Variants in SCUBE2 observed in about 807,000 individuals in gnomAD.
SCUBE2 encodes the protein signal peptide, CUB domain and EGF like domain containing 2, also known as signal peptide, CUB and EGF-like domain-containing protein 2.
In SCUBE2, 114 loss-of-function variants were observed where a neutral mutation model predicts 125.9. The observed-to-expected ratio is 0.91, with a 90% CI of 0.78 to 1.06. The LOEUF (loss-of-function observed/expected upper bound fraction) is 1.06, where lower values mean the gene tolerates loss of function less well. Among genes scored for constraint, SCUBE2 ranks in the 50% least tolerant of loss-of-function variants. SCUBE2 has a pLI of 0.00. For synonymous variants in SCUBE2, 459 were observed against 492.9 expected (o/e 0.93, Z 0.91); for missense variants, 1,255 against 1,301.8 (o/e 0.96, Z 0.55).
chr11:9,074,951 C>T (rs887423431), intron 3 of SCUBE2, among the ~76,000 whole-genome samples: 1 of 152,160 alleles, frequency 6.6e-6, no homozygotes, highest in Non-Finnish European at 1.5e-5. Context: ...TGTGGCGGCT[C>T]AAGCCTGTAA....
intron 21 of SCUBE2, among the ~76,000 whole-genome samples, chr11:9,024,850 C>T (rs1855589348): frequency 6.6e-6 from 1 of 152,178 alleles, no homozygotes; most frequent in Non-Finnish European, 1.5e-5. Flanking sequence ...TCACATAGGG[C>T]TTTGGGCTGT....
chr11:9,083,345 A>G (rs1321858976), intron 2 of SCUBE2, among the ~76,000 whole-genome samples: 3 of 152,204 alleles, frequency 2.0e-5, no homozygotes, highest in Admixed American at 6.5e-5. Context: ...CTTTAAGGCT[A>G]AAAACAAAAT....
At chr11:9,048,814 A>G (rs187056347) in intron 14 of SCUBE2, among the ~76,000 whole-genome samples, 54 of 152,270 alleles carry the variant, frequency 3.5e-4, no homozygotes, top group African/African-American at 1.3e-3. Flanking sequence ...CATCCACTCC[A>G]TGAATTTGTC....
chr11:9,069,131 C>A (rs1223174763), intron 5 of SCUBE2, among the ~76,000 whole-genome samples: 3 of 152,214 alleles, frequency 2.0e-5, no homozygotes, highest in Non-Finnish European at 2.9e-5. Context: ...CATTCACACT[C>A]CTTACTCCTG....
intron 2 of SCUBE2, among the ~76,000 whole-genome samples, chr11:9,084,662 G>A (rs185301949): frequency 4.6e-5 from 7 of 152,046 alleles, no homozygotes; most frequent in Admixed American, 4.6e-4. Flanking sequence ...CACTGAAAAG[G>A]ATACAACAGC....
At chr11:9,078,212 C>A (rs1453020348) in intron 3 of SCUBE2, among the ~76,000 whole-genome samples, 1 of 152,228 alleles carries the variant, frequency 6.6e-6, no homozygotes, top group East Asian at 1.9e-4. Context: ...CTCAAATATG[C>A]CTTTTTGTGG....
At chr11:9,046,523 A>G (rs986187386) in intron 16 of SCUBE2, among the ~76,000 whole-genome samples, 1 of 152,104 alleles carries the variant, frequency 6.6e-6, no homozygotes, top group Non-Finnish European at 1.5e-5. Context: ...TAACCCCAAC[A>G]GGATAGCAGA....
intron 16 of SCUBE2, among the ~76,000 whole-genome samples, chr11:9,038,026 C>A (rs1398240795): frequency 2.0e-5 from 3 of 152,102 alleles, no homozygotes; most frequent in African/African-American, 7.2e-5. Flanking sequence ...CATCTGTTGT[C>A]CCTGTGAAGA....
intron 16 of SCUBE2, among the ~76,000 whole-genome samples, chr11:9,040,824 G>A (rs1404517340): frequency 3.3e-5 from 5 of 152,322 alleles, no homozygotes; most frequent in Non-Finnish European, 7.3e-5. Flanking sequence ...TCTGAAGAGT[G>A]GGCAATTTAA....
In SCUBE2 at chr11:9,047,539, C is replaced by T. The variant is rs200059431; in HGVS notation, c.1819G>A (p.Val607Ile). 135 of 1,613,942 alleles carry T rather than the reference C, an allele frequency of 8.4e-5. No homozygotes were observed. In the Admixed American group the frequency reaches 1.0e-3, roughly 12 times the overall value. Residue 607 changes from valine (V) to isoleucine (I), a missense_variant, in exon 16 of 23, where the codon GTA (valine) becomes ATA (isoleucine). Val to Ile is a conservative substitution (Grantham distance 29). Transcript: ENST00000649792. ...CGGAGCCGCTTCTCGGTTCGCTTTACGATGCAGCTCAGGTCACAAGAAGCT... is the reference window on the plus strand; with the variant it reads ...CGGAGCCGCTTCTCGGTTCGCTTTATGATGCAGCTCAGGTCACAAGAAGCT... ...VTASCDLSCI[V>I]KRTEKRLRKA...
rs559461005 is a variant in SCUBE2 at position 9,074,755 on chromosome 11, C to A, written c.383-140G>T. The A allele has an allele frequency of 2.6e-5, 26 of 1,010,010 alleles. No homozygotes were observed. In the African/African-American group the frequency reaches 4.1e-4, roughly 16 times the overall value. The allele number at this position is 1,010,010 out of a possible 1,614,324, so 62.6% of individuals were successfully genotyped here. A position where few individuals can be genotyped will look rare whatever the true frequency, so the allele number is the denominator to read the frequency against. ...CCACAGAAGCTTTCAGAATCAAAGC[C>A]GGTAAGGTCCACAGACAACTACCCA... On this transcript the variant is annotated intron_variant, in intron 3 of 22. Coordinates refer to ENST00000649792, the MANE Select transcript of SCUBE2 (RefSeq NM_001367977.2).
Position 9,069,360 on chromosome 11 carries a change from C to A in SCUBE2, c.643+10G>T, listed in dbSNP as rs1860557683. The A allele has an allele frequency of 6.2e-7, 1 of 1,614,148 alleles. No homozygotes were observed. The highest frequency in any genetic ancestry group is 8.5e-7 in the Non-Finnish European group (1 of 1,180,004). On this transcript the variant is annotated intron_variant, in intron 5 of 22. Transcript: ENST00000649792. ...GTTCCCATGGCAGGTGTGCACTGGC[C>A]CATACTTACAGATGCAGTCTCTCTG... is the stretch of plus-strand genomic sequence containing the variant.
At chr11:9,024,261 G>T in intron 21 of SCUBE2, 3 of 1,062,462 alleles carry the variant, frequency 2.8e-6, no homozygotes, top group Admixed American at 4.5e-5. Flanking sequence ...CTTTCTTCCT[G>T]ATTCCAGATA....
At chr11:9,051,750 A>C (rs143728043) in intron 13 of SCUBE2, among the ~76,000 whole-genome samples, 1 of 152,366 alleles carries the variant, frequency 6.6e-6, no homozygotes, top group Admixed American at 6.5e-5. Context: ...GAGATAATGC[A>C]TTTAAAAAAA....
At chr11:9,052,114 T>A (rs983247847) in intron 13 of SCUBE2, among the ~76,000 whole-genome samples, 2 of 152,218 alleles carry the variant, frequency 1.3e-5, no homozygotes, top group African/African-American at 4.8e-5. Flanking sequence ...CTTAAGTCAG[T>A]TAATTCGTGT....
Position 9,037,481 on chromosome 11 carries a change from A to G in SCUBE2, c.2003-3685T>C, listed in dbSNP as rs138745207. Among the ~76,000 whole-genome samples the G allele has an allele frequency of 4.6e-3, 698 of 152,320 alleles. 3 individuals are homozygous for G. The highest frequency in any genetic ancestry group is 0.015 in the African/African-American group (638 of 41,570). Reference sequence around the variant, plus strand: ...GTATTTCAGGCTATAGACAAACACTATGGTCTCTCTGTGGCTAAGATGATG... The same window carrying G: ...GTATTTCAGGCTATAGACAAACACTGTGGTCTCTCTGTGGCTAAGATGATG... On this transcript the variant is annotated intron_variant, in intron 16 of 22. Transcript: ENST00000649792.
At chr11:9,036,931 T>C (rs1471471333) in intron 16 of SCUBE2, among the ~76,000 whole-genome samples, 1 of 152,234 alleles carries the variant, frequency 6.6e-6, no homozygotes, top group South Asian at 2.1e-4. Context: ...TTCCTCACAA[T>C]GAAAGGCCTG....
chr11:9,044,533 A>AT (rs935090441), intron 16 of SCUBE2, among the ~76,000 whole-genome samples: 9 of 152,092 alleles, frequency 5.9e-5, no homozygotes, highest in Non-Finnish European at 1.2e-4. Flanking sequence ...CACCCAGCCT[A>AT]TTTTTTTAAA....
intron 16 of SCUBE2, among the ~76,000 whole-genome samples, chr11:9,037,141 G>C (rs993674184): frequency 6.6e-6 from 1 of 152,232 alleles, no homozygotes; most frequent in Non-Finnish European, 1.5e-5. Context: ...AATGTGCTGA[G>C]AATCTGGCCT....
Sources: gnomAD v4.1 joint callset for allele counts (sites outside exome capture counted in the v4.1 genomes callset) on GRCh38, gnomAD v4.1.1 for gene constraint, MANE v1.5 for transcripts, NCBI Gene and HGNC (gene_info 2026-07-23, HGNC 2026-07-21) for gene names.